The following BLTP1 variants were observed in gnomAD, a reference collection of about 807,000 sequenced individuals.
BLTP1 encodes the protein bridge-like lipid transfer protein family member 1, also known as fragile site-associated protein.
chr4:122,174,149 A>G, the BLTP1 span: 3 of 969,590 alleles, frequency 3.1e-6, no homozygotes, highest in African/African-American at 3.5e-5. Flanking sequence ...CCTGCCTTAT[A>G]ATTGAGTACC....
chr4:122,240,206 T>G, the BLTP1 span: 1 of 1,614,132 alleles, frequency 6.2e-7, no homozygotes, highest in South Asian at 1.1e-5. Context: ...CTTACCTTAC[T>G]CAGTTCCAGG....
chr4:122,325,668 A>G, the BLTP1 span: 1 of 1,056,274 alleles, frequency 9.5e-7, no homozygotes, highest in Non-Finnish European at 1.2e-6. Flanking sequence ...ATACTCATTT[A>G]TGTATTTTAT....
the BLTP1 span, among the ~76,000 whole-genome samples, chr4:122,355,257 T>C: frequency 5.9e-5 from 9 of 152,120 alleles, no homozygotes; most frequent in Non-Finnish European, 1.3e-4. Flanking sequence ...AAAAGGTCTT[T>C]ATAAAACTAA....
the BLTP1 span, among the ~76,000 whole-genome samples, chr4:122,183,946 C>T: frequency 6.6e-6 from 1 of 151,396 alleles, no homozygotes; most frequent in East Asian, 1.9e-4. Flanking sequence ...AAATCATAAA[C>T]CAGCTATGTA....
the BLTP1 span, chr4:122,290,994 T>A: frequency 1.2e-6 from 1 of 819,102 alleles, no homozygotes; most frequent in Non-Finnish European, 1.5e-6. Flanking sequence ...AGTATCAGAC[T>A]GTCAGGGTAA....
chr4:122,155,233 T>C, the BLTP1 span, among the ~76,000 whole-genome samples: 13 of 150,966 alleles, frequency 8.6e-5, no homozygotes, highest in Non-Finnish European at 7.4e-5. Flanking sequence ...ATTACTCATA[T>C]AGTAAGAATT....
the BLTP1 span, among the ~76,000 whole-genome samples, chr4:122,277,846 T>C: frequency 6.6e-6 from 1 of 152,128 alleles, no homozygotes; most frequent in East Asian, 1.9e-4. Flanking sequence ...TGTATAGTGG[T>C]TGTACAGATC....
At chr4:122,270,912 ACT>A in the BLTP1 span, 1 of 1,384,930 alleles carries the variant, frequency 7.2e-7, no homozygotes, top group Non-Finnish European at 9.6e-7. Flanking sequence ...ATTATTTAAG[ACT>A]CATATTTTAC....
the BLTP1 span, chr4:122,200,353 G>A: frequency 3.3e-5 from 28 of 839,338 alleles, no homozygotes; most frequent in African/African-American, 1.5e-4. Flanking sequence ...TGAGGCAGGC[G>A]GATCACTTGA....
chr4:122,213,934 A>C, the BLTP1 span, among the ~76,000 whole-genome samples: 1 of 152,194 alleles, frequency 6.6e-6, no homozygotes, highest in Non-Finnish European at 1.5e-5. Flanking sequence ...TTAATGAAGA[A>C]AAATAAATCT....
chr4:122,298,001 A>G, the BLTP1 span: 5 of 226,908 alleles, frequency 2.2e-5, no homozygotes, highest in African/African-American at 4.7e-5. Flanking sequence ...GCAAACCACC[A>G]TGGCAGACAT....
At chr4:122,331,660 A>C in the BLTP1 span, 1 of 1,436,626 alleles carries the variant, frequency 7.0e-7, no homozygotes, top group Non-Finnish European at 9.1e-7. Flanking sequence ...TGTAAATGTA[A>C]TTATAGTTAT....
chr4:122,249,947 G>A, the BLTP1 span: 1 of 981,848 alleles, frequency 1.0e-6, no homozygotes, highest in African/African-American at 1.7e-5. Flanking sequence ...AAAATATAAA[G>A]CCACCCAATT....
chr4:122,227,537 GGTTC>G, the BLTP1 span: 16 of 912,540 alleles, frequency 1.8e-5, no homozygotes, highest in South Asian at 7.0e-4. Flanking sequence ...AACTTACCCT[GGTTC>G]TACAACACAG....
At chr4:122,175,599 A>C in the BLTP1 span, among the ~76,000 whole-genome samples, 6 of 152,196 alleles carry the variant, frequency 3.9e-5, no homozygotes, top group Admixed American at 3.9e-4. Flanking sequence ...GTATATGATA[A>C]ATATATGCAA....
At chr4:122,201,035 A>C in the BLTP1 span, 1 of 1,613,352 alleles carries the variant, frequency 6.2e-7, no homozygotes, top group East Asian at 2.2e-5. Flanking sequence ...GCTACCCCCG[A>C]ATATGGAACA....
the BLTP1 span, chr4:122,250,029 G>A: frequency 9.7e-6 from 9 of 927,828 alleles, no homozygotes; most frequent in African/African-American, 1.6e-4. Flanking sequence ...TATAAAAACT[G>A]TAAATTCTTT....
chr4:122,184,637 C>T, the BLTP1 span: 11 of 947,998 alleles, frequency 1.2e-5, no homozygotes, highest in East Asian at 2.3e-4. Context: ...GAGACTCCGT[C>T]TCAAAAAAAA....
the BLTP1 span, among the ~76,000 whole-genome samples, chr4:122,222,401 A>G: frequency 6.6e-6 from 1 of 152,196 alleles, no homozygotes; most frequent in Non-Finnish European, 1.5e-5. Context: ...ACTGTGTCCC[A>G]TTATGACACT....
Sources: gnomAD v4.1 joint callset for allele counts (sites outside exome capture counted in the v4.1 genomes callset) on GRCh38, gnomAD v4.1.1 for gene constraint, MANE v1.5 for transcripts, NCBI Gene and HGNC (gene_info 2026-07-23, HGNC 2026-07-21) for gene names.